Variants in DPP6 observed in about 807,000 individuals in gnomAD.
The protein encoded by DPP6 is dipeptidyl peptidase like 6, also known as A-type potassium channel modulatory protein DPP6.
A neutral mutation model predicts 122.6 loss-of-function variants in DPP6; 69 were observed. That is an observed-to-expected ratio of 0.56 (90% CI 0.46 to 0.69). The LOEUF (loss-of-function observed/expected upper bound fraction) is 0.69, where lower values mean the gene tolerates loss of function less well. DPP6 is among the 30% of genes least tolerant of loss of function. The pLI, the probability that DPP6 is intolerant of heterozygous loss-of-function variation, is 0.00. For synonymous variants in DPP6, 418 were observed against 433.1 expected (o/e 0.97, Z 0.43); for missense variants, 928 against 1,116.9 (o/e 0.83, Z 2.41).
At chr7:154,846,546 T>C (rs1801957795) in intron 16 of DPP6, among the ~76,000 whole-genome samples, 1 of 152,192 alleles carries the variant, frequency 6.6e-6, no homozygotes, top group Non-Finnish European at 1.5e-5. Context: ...AACCACAAGA[T>C]TATTTCATGA....
rs562034146 is a variant in DPP6 at position 154,021,731 on chromosome 7, G to A, written c.51+133997G>A. Among the ~76,000 whole-genome samples, 195 of 152,238 alleles carry A rather than the reference G, an allele frequency of 1.3e-3. 1 individual carries two copies. Among genetic ancestry groups the A allele is most frequent in the African/African-American group, 4.4e-3 (184 of 41,576 alleles). On this transcript the variant is annotated intron_variant, in intron 1 of 25. Transcript: ENST00000404039. ...CAGTAGAGACAAGTGAGCTTGGCAC[G>A]TGGATATGTGAAGTGCTGTGTGCAT...
intron 6 of DPP6, among the ~76,000 whole-genome samples, chr7:154,650,811 A>G (rs562952919): frequency 1.5e-4 from 23 of 152,308 alleles, no homozygotes; most frequent in African/African-American, 5.3e-4. Context: ...GGCCTGTAGC[A>G]GCTGTCTTCT....
At chr7:154,203,456 C>T (rs1049553406) in intron 1 of DPP6, among the ~76,000 whole-genome samples, 5 of 152,186 alleles carry the variant, frequency 3.3e-5, no homozygotes, top group African/African-American at 1.2e-4. Context: ...GCCTCCTGAC[C>T]TCTGCTCAGA....
intron 7 of DPP6, among the ~76,000 whole-genome samples, chr7:154,726,061 C>G (rs946726330): frequency 6.6e-6 from 1 of 152,226 alleles, no homozygotes; most frequent in Non-Finnish European, 1.5e-5. Context: ...TTGGGCCACT[C>G]TGCCCTGTAG....
intron 1 of DPP6, among the ~76,000 whole-genome samples, chr7:154,211,851 G>C (rs1425587139): frequency 3.3e-5 from 5 of 152,130 alleles, no homozygotes; most frequent in Admixed American, 2.0e-4. Context: ...GTCCACACAG[G>C]GAAGGGACAG....
chr7:154,154,738 G>A (rs1434765409), intron 1 of DPP6, among the ~76,000 whole-genome samples: 2 of 152,212 alleles, frequency 1.3e-5, no homozygotes, highest in African/African-American at 4.8e-5. Flanking sequence ...TAGAATGTAT[G>A]AGATTTCTTT....
intron 1 of DPP6, among the ~76,000 whole-genome samples, chr7:154,036,425 C>G (rs1226800819): frequency 6.8e-6 from 1 of 147,602 alleles, no homozygotes; most frequent in Non-Finnish European, 1.5e-5. Context: ...CTGGCCTCTA[C>G]TTTCTCCAGT....
At chr7:154,242,503 T>C (rs1272527791) in intron 1 of DPP6, among the ~76,000 whole-genome samples, 1 of 152,224 alleles carries the variant, frequency 6.6e-6, no homozygotes, top group Admixed American at 6.5e-5. Context: ...CATTTCCTCC[T>C]GGCATAAACA....
chr7:153,844,533 C>T, the DPP6 span, among the ~76,000 whole-genome samples: 2 of 152,168 alleles, frequency 1.3e-5, no homozygotes, highest in Non-Finnish European at 2.9e-5. Flanking sequence ...GATTTTTGTA[C>T]ATTACAATTA....
chr7:154,061,858 G>A (rs1801985164), intron 1 of DPP6, among the ~76,000 whole-genome samples: 2 of 134,898 alleles, frequency 1.5e-5, no homozygotes, highest in South Asian at 2.6e-4. Flanking sequence ...CATCGCTGGG[G>A]GCGGAGGCAC....
intron 1 of DPP6, among the ~76,000 whole-genome samples, chr7:154,227,283 TACA>T (rs1329026283): frequency 1.4e-5 from 2 of 141,276 alleles, no homozygotes; most frequent in African/African-American, 2.7e-5. Context: ...CGCCATATGC[TACA>T]ACAAGGATGA....
chr7:154,366,773 T>C (rs998134633), intron 1 of DPP6, among the ~76,000 whole-genome samples: 5 of 152,134 alleles, frequency 3.3e-5, no homozygotes, highest in African/African-American at 1.2e-4. Flanking sequence ...ATCAGAAAGT[T>C]GAAACAATGA....
intron 1 of DPP6, among the ~76,000 whole-genome samples, chr7:153,889,199 C>G (rs545909948): frequency 6.6e-6 from 1 of 152,308 alleles, no homozygotes; most frequent in South Asian, 2.1e-4. Context: ...GTTCGCAGTC[C>G]TCGGTCCGTG....
intron 1 of DPP6, among the ~76,000 whole-genome samples, chr7:154,418,617 A>G (rs1191698228): frequency 6.6e-6 from 1 of 152,188 alleles, no homozygotes; most frequent in African/African-American, 2.4e-5. Flanking sequence ...GAGGGTAGGA[A>G]ATAACAGTGA....
the DPP6 span, among the ~76,000 whole-genome samples, chr7:153,792,878 C>T: frequency 6.6e-6 from 1 of 152,142 alleles, no homozygotes; most frequent in African/African-American, 2.4e-5. Flanking sequence ...ATGAATAAGT[C>T]TCACAAGATC....
rs1030248427 is a variant in DPP6, at chr7:154,258,130, C to T, written c.244-188084C>T. On this transcript the variant is annotated intron_variant, in intron 1 of 25. Coordinates refer to ENST00000377770, the MANE Select transcript of DPP6 (RefSeq NM_130797.4). ...CATGAGGAGGAGAGGAGAGATGAGG[C>T]GAGGCGAGGGGAGGGGAGGCGAGGG... 1.2e-4 allele frequency among the ~76,000 whole-genome samples: 13 copies of T among 104,368 alleles called. No individual in the cohort carries two copies. The East Asian group carries it at 1.4e-3, about 11-fold the overall frequency. The allele number at this position is 104,368 out of a possible 152,430, so 68.5% of individuals were successfully genotyped here.
chr7:154,527,859 T>C (rs1000464619), intron 3 of DPP6, among the ~76,000 whole-genome samples: 3 of 152,106 alleles, frequency 2.0e-5, no homozygotes, highest in Non-Finnish European at 2.9e-5. Flanking sequence ...TTTTTAAAAA[T>C]GCATTATTGT....
At chr7:154,143,866 T>G (rs911298012) in intron 1 of DPP6, among the ~76,000 whole-genome samples, 1 of 152,226 alleles carries the variant, frequency 6.6e-6, no homozygotes, top group African/African-American at 2.4e-5. Context: ...TTTGTGCCGT[T>G]TTTTGTACAT....
intron 1 of DPP6, among the ~76,000 whole-genome samples, chr7:154,019,357 CTCT>C (rs1310294075): frequency 6.6e-6 from 1 of 151,822 alleles, no homozygotes; most frequent in Non-Finnish European, 1.5e-5. Flanking sequence ...CTTTTCTTTT[CTCT>C]TTTCTCTCTT....
Sources: allele counts gnomAD v4.1 joint callset (sites outside exome capture counted in the v4.1 genomes callset), GRCh38; gene constraint gnomAD v4.1.1; transcripts MANE v1.5; gene names NCBI Gene and HGNC (gene_info 2026-07-23, HGNC 2026-07-21).